Variants in ERI1 observed in about 807,000 individuals in gnomAD.
ERI1 encodes exoribonuclease 1.
ERI1 carries 39 observed loss-of-function variants against 39.7 expected under a neutral mutation model. That is an observed-to-expected ratio of 0.98 (90% CI 0.76 to 1.28). ERI1 has a LOEUF of 1.28. Among genes scored for constraint, ERI1 ranks in the 50% most tolerant of loss-of-function variants. The pLI is 0.00. For missense variants in ERI1, 581 were observed against 416.9 expected (o/e 1.39, Z -3.43); for synonymous variants, 204 against 149.6 (o/e 1.36, Z -2.65).
intron 1 of ERI1, among the ~76,000 whole-genome samples, chr8:9,004,646 A>T (rs1232498695): frequency 1.3e-5 from 2 of 150,872 alleles, no homozygotes; most frequent in Non-Finnish European, 3.0e-5. Flanking sequence ...CCTGGGTGAC[A>T]GAGTGAGACC....
chr8:9,066,961 G>T (rs1212278809), intron 3 of ERI1, among the ~76,000 whole-genome samples: 1 of 152,182 alleles, frequency 6.6e-6, no homozygotes, highest in Non-Finnish European at 1.5e-5. Context: ...TGTGGCAGAT[G>T]GGAATAAACG....
rs532754230 is a variant in ERI1 at position 9,043,012 on chromosome 8, A to G, written n.299+22548A>G. On this transcript the variant is annotated intron_variant and non_coding_transcript_variant, in intron 3 of 3. Coordinates refer to the ERI1 transcript ENST00000518663. ...AGGTGTGGCTGCACTTCCTGGCAGT[A>G]GACACTTCATTTCTGCTGTTGGAAT... is the stretch of plus-strand genomic sequence containing the variant. 2.0e-5 allele frequency among the ~76,000 whole-genome samples: 3 copies of G among 152,326 alleles called. No individual in the cohort carries two copies. The South Asian group carries it at 6.2e-4, about 32-fold the overall frequency.
chr8:9,084,320 T>C (rs1283665703), intron 3 of ERI1, among the ~76,000 whole-genome samples: 1 of 152,194 alleles, frequency 6.6e-6, no homozygotes, highest in African/African-American at 2.4e-5. Flanking sequence ...TCCAACTACA[T>C]TATTTTGAAA....
At chr8:9,063,864 G>A (rs1304057803) in intron 3 of ERI1, among the ~76,000 whole-genome samples, 2 of 152,124 alleles carry the variant, frequency 1.3e-5, no homozygotes, top group Non-Finnish European at 2.9e-5. Context: ...TCAGGTGTAA[G>A]TTGAAGAGGT....
At chr8:9,076,741 A>T (rs1475675331) in intron 3 of ERI1, among the ~76,000 whole-genome samples, 1 of 152,250 alleles carries the variant, frequency 6.6e-6, no homozygotes, top group Non-Finnish European at 1.5e-5. Flanking sequence ...GGGCATATTT[A>T]ACAAGAAGAG....
intron 3 of ERI1, among the ~76,000 whole-genome samples, chr8:9,044,846 C>A (rs1394920202): frequency 6.6e-6 from 1 of 152,088 alleles, no homozygotes; most frequent in African/African-American, 2.4e-5. Context: ...CCTGACCTGC[C>A]ACACCTGCAT....
intron 3 of ERI1, among the ~76,000 whole-genome samples, chr8:9,047,059 G>A (rs1318948589): frequency 6.6e-6 from 1 of 152,210 alleles, no homozygotes; most frequent in Non-Finnish European, 1.5e-5. Flanking sequence ...AAGCACGGCT[G>A]TTCCCAACAG....
rs765981802 is a variant in ERI1 at position 9,029,808 on chromosome 8, C to G, written c.824C>G (p.Thr275Ser). 1.2e-5 allele frequency: 20 copies of G among 1,613,976 alleles called. No homozygotes were observed. Among genetic ancestry groups the G allele is most frequent in the Non-Finnish European group, 1.6e-5 (19 of 1,180,024 alleles). ...GNFYKVPRSQTKLTIMLEKLG... is the reference protein window; with the variant it reads ...GNFYKVPRSQSKLTIMLEKLG... The stretch of plus-strand genomic sequence containing the variant: ...ATTTTTCAGGTTCCTAGAAGCCAAA[C>G]CAAACTGACAATAATGCTTGAAAAA... The change falls in exon 7 of 7, where the codon ACC becomes AGC. Residue 275 changes from threonine to serine, a missense_variant. Thr to Ser is a moderately conservative substitution (Grantham distance 58). Transcript: ENST00000250263.
intron 3 of ERI1, among the ~76,000 whole-genome samples, chr8:9,092,894 G>A (rs1585303807): frequency 6.6e-6 from 1 of 152,318 alleles, no homozygotes; most frequent in East Asian, 1.9e-4. Context: ...TCCTTCTGAG[G>A]GCTGGGAGGG....
intron 4 of ERI1, among the ~76,000 whole-genome samples, chr8:9,016,932 C>T (rs535479291): frequency 3.3e-5 from 5 of 152,332 alleles, no homozygotes; most frequent in Admixed American, 1.3e-4. Flanking sequence ...AGTGTCCCGC[C>T]TCGGCCTGCC....
In ERI1 at chr8:9,030,593, A is replaced by T. The variant is rs910014999; in HGVS notation, c.*559A>T. 6 of 153,348 alleles carry T rather than the reference A, an allele frequency of 3.9e-5. No homozygotes were observed. The highest frequency in any genetic ancestry group is 1.3e-4 in the Admixed American group (2 of 15,576). 9.5% of individuals were successfully genotyped at this position (153,348 alleles called of 1,614,324 possible). On this transcript the variant is annotated 3_prime_UTR_variant, in exon 7 of 7. Coordinates refer to ENST00000250263, the MANE Select transcript of ERI1 (RefSeq NM_153332.4). ...CTGCCTATGTTTCTTTTCAACTCATAATTGGAAGAATTATGATGGATTATA... is the reference window on the plus strand; with the variant it reads ...CTGCCTATGTTTCTTTTCAACTCATTATTGGAAGAATTATGATGGATTATA...
At chr8:9,023,615 A>G (rs1338832772) in intron 6 of ERI1, among the ~76,000 whole-genome samples, 1 of 151,934 alleles carries the variant, frequency 6.6e-6, no homozygotes, top group Non-Finnish European at 1.5e-5. Flanking sequence ...CCTCTTCGTA[A>G]TAGATAACTA....
chr8:9,090,823 A>C (rs1162466337), intron 3 of ERI1, among the ~76,000 whole-genome samples: 4 of 152,212 alleles, frequency 2.6e-5, no homozygotes, highest in Non-Finnish European at 5.9e-5. Context: ...GTATAATTGC[A>C]ATTTGAGAGG....
chr8:9,070,585 T>G (rs1454735857), intron 3 of ERI1, among the ~76,000 whole-genome samples: 1 of 152,208 alleles, frequency 6.6e-6, no homozygotes, highest in Non-Finnish European at 1.5e-5. Context: ...AGAAATTGAT[T>G]GACTCATTTC....
chr8:9,054,604 G>T (rs1013893213), intron 3 of ERI1, among the ~76,000 whole-genome samples: 2 of 152,362 alleles, frequency 1.3e-5, no homozygotes, highest in African/African-American at 4.8e-5. Flanking sequence ...TTACATTTAG[G>T]TTCAAGGAAG....
chr8:9,044,234 T>C (rs1563353002), intron 3 of ERI1, among the ~76,000 whole-genome samples: 1 of 152,360 alleles, frequency 6.6e-6, no homozygotes, highest in East Asian at 1.9e-4. Context: ...TGCGAAAGGA[T>C]GTCCTTGTTA....
At chr8:9,071,287 G>C (rs530727588) in intron 3 of ERI1, among the ~76,000 whole-genome samples, 1 of 152,294 alleles carries the variant, frequency 6.6e-6, no homozygotes, top group African/African-American at 2.4e-5. Flanking sequence ...TCTCAAAGCA[G>C]CTTCAGTGTT....
intron 3 of ERI1, chr8:9,072,432 T>C (rs1311764405): frequency 6.6e-6 from 1 of 151,932 alleles, no homozygotes; most frequent in Non-Finnish European, 1.5e-5. Flanking sequence ...TTTAGGATAA[T>C]TTTTTCTTTC....
At chr8:9,015,688 C>G (rs925094868) in intron 3 of ERI1, among the ~76,000 whole-genome samples, 4 of 133,002 alleles carry the variant, frequency 3.0e-5, no homozygotes, top group Admixed American at 2.5e-4. Context: ...TGGCAGTGCA[C>G]TCCAGCCTGG....
Sources: allele counts gnomAD v4.1 joint callset (sites outside exome capture counted in the v4.1 genomes callset), GRCh38; gene constraint gnomAD v4.1.1; transcripts MANE v1.5; gene names NCBI Gene and HGNC (gene_info 2026-07-23, HGNC 2026-07-21).